Variants in RBFOX1 observed in about 807,000 individuals in gnomAD.
RBFOX1 encodes RNA binding fox-1 homolog 1.
Under a neutral mutation model 57.7 loss-of-function variants are expected in RBFOX1, and 8 were observed. The observed-to-expected ratio is 0.14, with a 90% CI of 0.08 to 0.25. RBFOX1 has a LOEUF of 0.25. Among genes scored for constraint, RBFOX1 ranks in the 10% least tolerant of loss-of-function variants. RBFOX1 has a pLI of 1.00. For synonymous variants in RBFOX1, 326 were observed against 222.4 expected (o/e 1.47, Z -4.15); for missense variants, 611 against 548.5 (o/e 1.11, Z -1.14).
At position 7,257,846 on chromosome 16, in the gene RBFOX1, T is replaced by A. The variant is rs73555963; in HGVS notation, c.27+205748T>A. Among the ~76,000 whole-genome samples, 1,327 of 152,310 alleles carry A rather than the reference T, an allele frequency of 8.7e-3. 18 individuals are homozygous for A. The highest frequency in any genetic ancestry group is 0.03 in the African/African-American group (1,257 of 41,558). On this transcript the variant is annotated intron_variant, in intron 4 of 15. Coordinates refer to ENST00000550418, the MANE Select transcript of RBFOX1 (RefSeq NM_018723.4). The stretch of plus-strand genomic sequence containing the variant: ...TTAGCTAAGGAAATTAAATTGGAAG[T>A]CCTTGCATTCTGGCTGGATTCTGTT...
rs75167647 is a variant in RBFOX1, at chr16:6,889,655, C to G, written c.-15-162402C>G. Among the ~76,000 whole-genome samples the G allele has an allele frequency of 6.0e-3, 917 of 152,270 alleles. 14 individuals carry two copies. Among genetic ancestry groups the G allele is most frequent in the African/African-American group, 0.021 (868 of 41,548 alleles). ...TATCCGTAAGCCCATCCTCAATCCA[C>G]CAGCTTCCACCATGTAGTCCAGCAC... On this transcript the variant is annotated intron_variant, in intron 3 of 15. Transcript: ENST00000550418.
At chr16:7,652,314 T>G (rs1392436497) in intron 11 of RBFOX1, among the ~76,000 whole-genome samples, 1 of 152,176 alleles carries the variant, frequency 6.6e-6, no homozygotes, top group Non-Finnish European at 1.5e-5. Flanking sequence ...ATCAGGGGGC[T>G]GGGGTAATCA....
chr16:6,533,676 A>C (rs941809519), intron 2 of RBFOX1, among the ~76,000 whole-genome samples: 11 of 152,162 alleles, frequency 7.2e-5, no homozygotes, highest in African/African-American at 2.7e-4. Flanking sequence ...TGGATGCTGG[A>C]ATGGAAACAT....
At chr16:7,586,402 T>C (rs2094128465) in intron 6 of RBFOX1, among the ~76,000 whole-genome samples, 1 of 152,212 alleles carries the variant, frequency 6.6e-6, no homozygotes, top group Non-Finnish European at 1.5e-5. Context: ...AATTGCTTGA[T>C]GTACATTTCT....
intron 1 of RBFOX1, among the ~76,000 whole-genome samples, chr16:6,243,107 T>C (rs1459771351): frequency 6.6e-6 from 1 of 151,968 alleles, no homozygotes; most frequent in African/African-American, 2.4e-5. Context: ...TTCTTATTAG[T>C]AGCTGCAGTT....
chr16:7,301,261 T>C (rs2096023935), intron 4 of RBFOX1, among the ~76,000 whole-genome samples: 1 of 152,228 alleles, frequency 6.6e-6, no homozygotes, highest in East Asian at 1.9e-4. Context: ...GGCTCCTTAA[T>C]ATAGTTGCAG....
intron 2 of RBFOX1, among the ~76,000 whole-genome samples, chr16:6,506,552 C>G (rs1457236997): frequency 6.6e-6 from 1 of 150,944 alleles, no homozygotes; most frequent in Non-Finnish European, 1.5e-5. Context: ...TCTATGGACC[C>G]ACAGTGTAGT....
At chr16:7,551,883 A>T (rs1210530452) in intron 5 of RBFOX1, among the ~76,000 whole-genome samples, 1 of 152,168 alleles carries the variant, frequency 6.6e-6, no homozygotes, top group African/African-American at 2.4e-5. Flanking sequence ...AAAGAAGTGC[A>T]CATTTCTGTA....
At chr16:7,450,171 G>A (rs1357036968) in intron 4 of RBFOX1, among the ~76,000 whole-genome samples, 1 of 152,042 alleles carries the variant, frequency 6.6e-6, no homozygotes, top group Non-Finnish European at 1.5e-5. Context: ...GGAGGTGGGT[G>A]GATCACAAGG....
chr16:6,117,553 C>G (rs537013985), intron 1 of RBFOX1, among the ~76,000 whole-genome samples: 2 of 152,342 alleles, frequency 1.3e-5, no homozygotes, highest in South Asian at 4.1e-4. Context: ...TACAAAGAGG[C>G]TTCTGGTAGC....
At chr16:7,572,743 G>A (rs1432422929) in intron 5 of RBFOX1, among the ~76,000 whole-genome samples, 1 of 151,986 alleles carries the variant, frequency 6.6e-6, no homozygotes, top group Non-Finnish European at 1.5e-5. Context: ...GGAGGCTGAG[G>A]CAGGAGAATG....
intron 1 of RBFOX1, among the ~76,000 whole-genome samples, chr16:6,201,724 A>G (rs1212991827): frequency 6.6e-6 from 1 of 152,202 alleles, no homozygotes; most frequent in African/African-American, 2.4e-5. Context: ...TGGATACCCC[A>G]GTTACCTTAA....
chr16:7,154,265 T>C (rs972451357), intron 4 of RBFOX1, among the ~76,000 whole-genome samples: 2 of 152,208 alleles, frequency 1.3e-5, no homozygotes, highest in African/African-American at 4.8e-5. Context: ...ATGGCAGAGA[T>C]ACTTAGTTAC....
chr16:7,405,342 A>G (rs1215840596), intron 4 of RBFOX1, among the ~76,000 whole-genome samples: 1 of 152,178 alleles, frequency 6.6e-6, no homozygotes, highest in Non-Finnish European at 1.5e-5. Flanking sequence ...TTCAGCTGCG[A>G]TGAGATTAGC....
intron 4 of RBFOX1, among the ~76,000 whole-genome samples, chr16:7,078,342 C>G (rs1475963732): frequency 2.6e-5 from 4 of 152,136 alleles, no homozygotes; most frequent in Non-Finnish European, 5.9e-5. Flanking sequence ...TTATAACCAA[C>G]CCCATATACT....
chr16:6,926,031 G>C (rs61556932), intron 3 of RBFOX1, among the ~76,000 whole-genome samples: 35,479 of 152,052 alleles, frequency 0.23, 4,393 homozygotes, highest in Middle Eastern at 0.31. Context: ...CTTGCTGGCT[G>C]GGCTTGGTGG....
chr16:6,346,179 T>G (rs1277848056), intron 2 of RBFOX1, among the ~76,000 whole-genome samples: 1 of 152,182 alleles, frequency 6.6e-6, no homozygotes, highest in Non-Finnish European at 1.5e-5. Context: ...GTATTTTCCT[T>G]TCCAACACAT....
chr16:5,641,084 C>T (rs748318977), intron 3 of RBFOX1, among the ~76,000 whole-genome samples: 2 of 151,450 alleles, frequency 1.3e-5, no homozygotes, highest in Non-Finnish European at 2.9e-5. Context: ...CACACACACA[C>T]ATGCACACCA....
intron 3 of RBFOX1, among the ~76,000 whole-genome samples, chr16:6,963,890 G>A (rs911655091): frequency 6.6e-6 from 1 of 151,952 alleles, no homozygotes; most frequent in Non-Finnish European, 1.5e-5. Flanking sequence ...AGTAGAGATG[G>A]GATTTCACTG....
Sources: allele counts gnomAD v4.1 joint callset (sites outside exome capture counted in the v4.1 genomes callset), GRCh38; gene constraint gnomAD v4.1.1; transcripts MANE v1.5; gene names NCBI Gene and HGNC (gene_info 2026-07-23, HGNC 2026-07-21).